TCF4: variants seen among roughly 807,000 people sequenced by gnomAD.
The protein encoded by TCF4 is SL3-3 enhancer factor 2.
Under a neutral mutation model 82.1 loss-of-function variants are expected in TCF4, and 3 were observed. That is an observed-to-expected ratio of 0.04 (90% CI 0.02 to 0.09). The LOEUF (loss-of-function observed/expected upper bound fraction) is 0.09. TCF4 is among the 10% of genes least tolerant of loss of function. The probability of loss-of-function intolerance (pLI) is 1.00; values close to 1 mark genes in which losing one functional copy is unlikely to be tolerated. For missense variants in TCF4, 518 were observed against 852.7 expected (o/e 0.61, Z 4.89); for synonymous variants, 276 against 309.6 (o/e 0.89, Z 1.14).
intron 5 of TCF4, among the ~76,000 whole-genome samples, chr18:55,425,143 GA>G (rs1330796448): frequency 1.3e-5 from 2 of 152,160 alleles, no homozygotes; most frequent in Non-Finnish European, 2.9e-5. Context: ...TGTAATGGTG[GA>G]AAAAATGAAA....
chr18:55,293,931 CTTTTTTTTTTTT>C (rs781150808), intron 8 of TCF4, among the ~76,000 whole-genome samples: 62 of 40,058 alleles, frequency 1.5e-3, no homozygotes, highest in East Asian at 0.013. Flanking sequence ...TTTCCAAGGA[CTTTTTTTTTTTT>C]TTTTTTTTTT....
chr18:55,619,957 C>G (rs1373917899), intron 2 of TCF4, among the ~76,000 whole-genome samples: 1 of 152,080 alleles, frequency 6.6e-6, no homozygotes, highest in African/African-American at 2.4e-5. Context: ...CCCCATAATC[C>G]CCACGTGCCA....
At chr18:55,332,614 C>T (rs1447583424) in intron 8 of TCF4, among the ~76,000 whole-genome samples, 1 of 152,186 alleles carries the variant, frequency 6.6e-6, no homozygotes, top group Non-Finnish European at 1.5e-5. Context: ...CTACATGTGG[C>T]CATACACACT....
chr18:55,620,064 T>C (rs2097716132), intron 2 of TCF4, among the ~76,000 whole-genome samples: 1 of 152,196 alleles, frequency 6.6e-6, no homozygotes, highest in Non-Finnish European at 1.5e-5. Context: ...CTAATCATTT[T>C]ATAAATGTTT....
chr18:55,420,522 C>A (rs899490202), intron 5 of TCF4, among the ~76,000 whole-genome samples: 2 of 152,140 alleles, frequency 1.3e-5, no homozygotes, highest in Admixed American at 6.6e-5. Context: ...CATAAGCCAC[C>A]AGAGGCTAAC....
intron 6 of TCF4, among the ~76,000 whole-genome samples, chr18:55,352,456 A>G (rs1412822802): frequency 6.6e-6 from 1 of 152,174 alleles, no homozygotes; most frequent in African/African-American, 2.4e-5. Context: ...TACTGATTCC[A>G]GTTTAAGACT....
rs2046393040 is a variant in TCF4, at chr18:55,224,909, T to C, written c.*3126A>G. ...GAGATCCCCAGCCTAAGTGTCGTCA[T>C]ACAGATAGCGTAGTATGGACCCTTT... On this transcript the variant is annotated 3_prime_UTR_variant, in exon 20 of 20. Transcript: ENST00000354452. 6.6e-6 allele frequency: 1 copy of C among 152,528 alleles called. No homozygotes were observed. 9.4% of individuals were successfully genotyped at this position (152,528 alleles called of 1,614,324 possible). A position where few individuals can be genotyped will look rare whatever the true frequency, so the allele number is the denominator to read the frequency against.
intron 3 of TCF4, among the ~76,000 whole-genome samples, chr18:55,464,892 C>T (rs1376230792): frequency 1.3e-5 from 2 of 152,120 alleles, no homozygotes; most frequent in Admixed American, 1.3e-4. Flanking sequence ...AACTCAATAC[C>T]AGCAAAGTTT....
chr18:55,509,958 TG>T (rs1289546729), intron 3 of TCF4, among the ~76,000 whole-genome samples: 2 of 152,186 alleles, frequency 1.3e-5, no homozygotes, highest in African/African-American at 2.4e-5. Context: ...TGAAAATGCC[TG>T]GGAAAATGAT....
intron 3 of TCF4, among the ~76,000 whole-genome samples, chr18:55,514,370 T>C (rs2096858106): frequency 6.7e-6 from 1 of 149,924 alleles, no homozygotes; most frequent in East Asian, 2.0e-4. Context: ...TGCATGCACA[T>C]GCACATCCAT....
chr18:55,453,168 T>C (rs1376086722), intron 5 of TCF4, among the ~76,000 whole-genome samples: 6 of 151,952 alleles, frequency 3.9e-5, no homozygotes, highest in Non-Finnish European at 5.9e-5. Flanking sequence ...AGCAGTGTGG[T>C]GGGGAGACAC....
In TCF4 at chr18:55,402,088, TG is replaced by T. The variant is rs558756005; in HGVS notation, c.369+1365del. 2.8e-3 allele frequency: 2,760 copies of T among 985,454 alleles called. 13 individuals carry two copies. The highest frequency in any genetic ancestry group is 0.022 in the Middle Eastern group (42 of 1,914). The allele number at this position is 985,454 out of a possible 1,614,324, so 61.0% of individuals were successfully genotyped here. On this transcript the variant is annotated intron_variant, in intron 6 of 19. Coordinates refer to ENST00000354452, the MANE Select transcript of TCF4 (RefSeq NM_001083962.2). ...GATGTTTCCGTTGCGCTGGAATGGC[TG>T]TAAATTTCTTTCCTGCAGAATTCTT...
chr18:55,302,389 A>C, intron 8 of TCF4: 1 of 1,535,320 alleles, frequency 6.5e-7, no homozygotes, highest in Non-Finnish European at 8.7e-7. Flanking sequence ...CTCAGGATAG[A>C]CCACTTTGGG....
intron 3 of TCF4, among the ~76,000 whole-genome samples, chr18:55,579,514 T>C (rs1260799351): frequency 6.6e-6 from 1 of 152,012 alleles, no homozygotes; most frequent in Non-Finnish European, 1.5e-5. Context: ...TTCATTTTCA[T>C]GCTATGTCTG....
At chr18:55,621,724 TTTA>T (rs1459950587) in intron 2 of TCF4, among the ~76,000 whole-genome samples, 1 of 85,516 alleles carries the variant, frequency 1.2e-5, no homozygotes, top group African/African-American at 4.6e-5. Context: ...TATAATTATA[TTTA>T]TAATTATACA....
chr18:55,527,191 T>A (rs907259577), intron 3 of TCF4, among the ~76,000 whole-genome samples: 1 of 152,158 alleles, frequency 6.6e-6, no homozygotes, highest in Non-Finnish European at 1.5e-5. Context: ...CCCGCATCCT[T>A]AAGGCAACAC....
intron 6 of TCF4, among the ~76,000 whole-genome samples, chr18:55,357,487 C>G (rs1487816212): frequency 2.0e-5 from 3 of 151,958 alleles, no homozygotes; most frequent in African/African-American, 4.8e-5. Flanking sequence ...CAATTTTGTG[C>G]CAAAGTAAAA....
intron 5 of TCF4, among the ~76,000 whole-genome samples, chr18:55,420,531 A>C (rs1346886442): frequency 6.6e-6 from 1 of 152,156 alleles, no homozygotes; most frequent in East Asian, 1.9e-4. Context: ...CCAGAGGCTA[A>C]CCACACTGAC....
At chr18:55,375,670 C>G (rs1244848928) in intron 6 of TCF4, among the ~76,000 whole-genome samples, 1 of 152,088 alleles carries the variant, frequency 6.6e-6, no homozygotes, top group Non-Finnish European at 1.5e-5. Context: ...TAAGAAAGTT[C>G]TGGAGTTACG....
Sources: allele counts gnomAD v4.1 joint callset (sites outside exome capture counted in the v4.1 genomes callset), GRCh38; gene constraint gnomAD v4.1.1; transcripts MANE v1.5; gene names NCBI Gene and HGNC (gene_info 2026-07-23, HGNC 2026-07-21).